COL22A1: variants seen among roughly 807,000 people sequenced by gnomAD.
COL22A1 encodes the protein collagen type XXII alpha 1 chain.
Under a neutral mutation model 248.9 loss-of-function variants are expected in COL22A1, and 221 were observed. The observed-to-expected ratio is 0.89, with a 90% CI of 0.80 to 0.99. COL22A1 has a LOEUF of 0.99. Ranked by LOEUF, COL22A1 falls within the 50% of genes least tolerant of loss-of-function variation. COL22A1 has a pLI of 0.00. For synonymous variants in COL22A1, 891 were observed against 793.4 expected, an observed-to-expected ratio of 1.12 and a Z score of -2.07; for missense variants, 2,240 against 2,179.0, an observed-to-expected ratio of 1.03 and a Z score of -0.56.
At chr8:138,904,056 C>A (rs973417717) in intron 1 of COL22A1, among the ~76,000 whole-genome samples, 1 of 152,128 alleles carries the variant, frequency 6.6e-6, no homozygotes, top group African/African-American at 2.4e-5. Context: ...TCCCTATCCC[C>A]GCTTTTTAAG....
chr8:138,601,451 G>A (rs1368909341), intron 60 of COL22A1, among the ~76,000 whole-genome samples: 2 of 152,110 alleles, frequency 1.3e-5, no homozygotes, highest in Admixed American at 6.5e-5. Flanking sequence ...GGGGTGCCTG[G>A]GACGTCCATG....
rs12164169 is a variant in COL22A1 at position 138,850,758 on chromosome 8, A to G, written c.659-6600T>C. Among the ~76,000 whole-genome samples, 15 of 152,346 alleles carry G rather than the reference A, an allele frequency of 9.8e-5. No individual in the cohort carries two copies. In the East Asian group the frequency reaches 2.7e-3, roughly 27 times the overall value. The stretch of plus-strand genomic sequence containing the variant: ...GGGTCAGACAGACCTCACCTCTTCC[A>G]TGTCAGTTGCCCCCTGTGTGTCTGT... On this transcript the variant is annotated intron_variant, in intron 3 of 64. Coordinates refer to ENST00000303045, the MANE Select transcript of COL22A1 (RefSeq NM_152888.3).
At chr8:138,769,212 G>A (rs888977381) in intron 16 of COL22A1, among the ~76,000 whole-genome samples, 2 of 152,172 alleles carry the variant, frequency 1.3e-5, no homozygotes, top group African/African-American at 2.4e-5. Flanking sequence ...GTGCAGTGAT[G>A]CTCATGACAT....
chr8:138,627,744 C>A (rs985001691), intron 50 of COL22A1, among the ~76,000 whole-genome samples: 1 of 152,136 alleles, frequency 6.6e-6, no homozygotes, highest in Non-Finnish European at 1.5e-5. Flanking sequence ...TGCAGTACAC[C>A]CTTGCTTTAT....
At chr8:138,717,532 T>C (rs751869036) in intron 27 of COL22A1, among the ~76,000 whole-genome samples, 41 of 152,262 alleles carry the variant, frequency 2.7e-4, no homozygotes, top group Admixed American at 2.4e-3. Flanking sequence ...GATGCAGTCA[T>C]AGCTCATTGC....
chr8:138,832,336 T>C (rs190172274), intron 5 of COL22A1, among the ~76,000 whole-genome samples: 6 of 152,302 alleles, frequency 3.9e-5, no homozygotes, highest in Non-Finnish European at 8.8e-5. Flanking sequence ...GAATGCTTTC[T>C]TGCACGAGAT....
chr8:138,589,729 G>T (rs541922518), intron 64 of COL22A1, among the ~76,000 whole-genome samples: 1 of 152,144 alleles, frequency 6.6e-6, no homozygotes, highest in African/African-American at 2.4e-5. Context: ...ACCAGGTAGG[G>T]CATATTTCTC....
chr8:138,694,398 C>G, intron 34 of COL22A1, 110 bp downstream of exon 34: 1 of 1,110,076 alleles, frequency 9.0e-7, no homozygotes. Context: ...TGCCCAGCGT[C>G]TACTCCCAAA....
At chr8:138,612,975 A>G (rs1709552835) in intron 56 of COL22A1, among the ~76,000 whole-genome samples, 1 of 140,726 alleles carries the variant, frequency 7.1e-6, no homozygotes, top group Admixed American at 7.2e-5. Flanking sequence ...GGGGCTGGGC[A>G]CGGTGGCTTA....
rs578124744 is a variant in COL22A1 at position 138,882,919 on chromosome 8, A to C, written c.91+163T>G. On this transcript the variant is annotated intron_variant, in intron 2 of 64. Transcript: ENST00000303045. ...GAGGAGCTGGTGATTTTTTGTCCCTAGGTTAGAAGGCAGCTGACTCACACT... is the reference window on the plus strand; with the variant it reads ...GAGGAGCTGGTGATTTTTTGTCCCTCGGTTAGAAGGCAGCTGACTCACACT... Among the ~76,000 whole-genome samples, 4 of 152,178 alleles carry C rather than the reference A, an allele frequency of 2.6e-5. No homozygotes were observed. In the South Asian group the frequency reaches 8.3e-4, roughly 32 times the overall value.
In COL22A1 at chr8:138,704,210, C is replaced by T. The variant is rs1434104210; in HGVS notation, c.2518-863G>A. Among the ~76,000 whole-genome samples the T allele has an allele frequency of 2.0e-4, 31 of 152,142 alleles. 1 individual carries two copies. The highest frequency in any genetic ancestry group is 1.8e-3 in the Admixed American group (27 of 15,274). ...TCCACCTCTGGGGGCAGGGCATAGC[C>T]GAACAAAAGGCAGCAGAAACTTCTG... On this transcript the variant is annotated intron_variant, in intron 30 of 64. Transcript: ENST00000303045.
Position 138,878,268 on chromosome 8 carries a change from G to T in COL22A1, c.140C>A (p.Ser47Tyr). The change falls in exon 3 of 65, where the codon TCC (serine) becomes TAC (tyrosine). Residue 47 changes from serine to tyrosine, a missense_variant. Ser to Tyr is a moderately radical substitution (Grantham distance 144, BLOSUM62 -2). Transcript: ENST00000303045. ...CTCAAAGTCCTCCTTGCCCACGCTG[G>T]AGGAGGTGTCCAGGAGGAAGACCAG... ...YDLVFLLDTS[S>Y]SVGKEDFEKV... The T allele has an allele frequency of 6.3e-7, 1 of 1,583,184 alleles. No homozygotes were observed. The highest frequency in any genetic ancestry group is 2.3e-5 in the East Asian group (1 of 43,590).
chr8:138,869,137 A>T (rs1280774751), intron 3 of COL22A1, among the ~76,000 whole-genome samples: 1 of 152,146 alleles, frequency 6.6e-6, no homozygotes, highest in Admixed American at 6.5e-5. Flanking sequence ...CAGCTGGGTG[A>T]CCCAGCTCCA....
chr8:138,832,295 T>C (rs951013422), intron 5 of COL22A1, among the ~76,000 whole-genome samples: 2 of 152,308 alleles, frequency 1.3e-5, no homozygotes, highest in East Asian at 1.9e-4. Context: ...CTTAATAAAC[T>C]TGCTTTCACT....
At chr8:138,630,063 C>T (rs1187379050) in intron 50 of COL22A1, among the ~76,000 whole-genome samples, 2 of 152,136 alleles carry the variant, frequency 1.3e-5, no homozygotes, top group Non-Finnish European at 2.9e-5. Flanking sequence ...CATTTACTTG[C>T]CATGCATGTA....
chr8:138,764,074 C>A (rs1237502310), intron 16 of COL22A1, among the ~76,000 whole-genome samples: 2 of 152,196 alleles, frequency 1.3e-5, no homozygotes, highest in Non-Finnish European at 2.9e-5. Flanking sequence ...GATTTCTTTG[C>A]TGCTTTTTCC....
chr8:138,598,279 C>A (rs1817709248), intron 61 of COL22A1, among the ~76,000 whole-genome samples: 1 of 152,142 alleles, frequency 6.6e-6, no homozygotes, highest in African/African-American at 2.4e-5. Context: ...TCGGCAGATA[C>A]AAGAGTGGCA....
chr8:138,775,848 A>G, intron 16 of COL22A1, 118 bp downstream of exon 16: 3 of 964,602 alleles, frequency 3.1e-6, no homozygotes, highest in Non-Finnish European at 5.1e-6. Context: ...ACATGTGCAC[A>G]CATGCACACA....
intron 10 of COL22A1, among the ~76,000 whole-genome samples, chr8:138,805,494 T>TGTGTGTGATG (rs773202080): frequency 0.025 from 2,206 of 89,744 alleles, 67 homozygotes; most frequent in African/African-American, 0.11. Flanking sequence ...CATGTGATGG[T>TGTGTGTGATG]GTGTGTGTGT....
Sources: allele counts gnomAD v4.1 joint callset (sites outside exome capture counted in the v4.1 genomes callset), GRCh38; gene constraint gnomAD v4.1.1; transcripts MANE v1.5; gene names NCBI Gene and HGNC (gene_info 2026-07-23, HGNC 2026-07-21).